The following CPVL variants were observed in gnomAD, a reference collection of about 807,000 sequenced individuals.
The protein encoded by CPVL is probable serine carboxypeptidase CPVL.
A neutral mutation model predicts 63.7 loss-of-function variants in CPVL; 51 were observed. The ratio of observed to expected loss-of-function variants is 0.80; its 90% CI spans 0.64 to 1.01. CPVL has a LOEUF of 1.01. CPVL is among the 50% of genes least tolerant of loss of function. The probability of loss-of-function intolerance (pLI) is 0.00; values close to 1 mark genes in which losing one functional copy is unlikely to be tolerated. For synonymous variants in CPVL, 195 were observed against 206.0 expected, an observed-to-expected ratio of 0.95 and a Z score of 0.46; for missense variants, 530 against 573.1, an observed-to-expected ratio of 0.92 and a Z score of 0.77.
chr7:29,154,870 C>G (rs957768727), intron 5 of CPVL, among the ~76,000 whole-genome samples: 3 of 152,088 alleles, frequency 2.0e-5, no homozygotes, highest in African/African-American at 4.8e-5. Flanking sequence ...AAGACATACT[C>G]GAGACTGGGC....
Position 29,096,116 on chromosome 7 carries a change from T to A in CPVL, c.390A>T (p.Thr130=). 2 of 1,613,536 alleles carry A rather than the reference T, an allele frequency of 1.2e-6. No homozygotes were observed. The highest frequency in any genetic ancestry group is 1.7e-6 in the Non-Finnish European group (2 of 1,179,446). ...AGGGATACTTACAGGTCATGTTACT[T>A]GTGACAACATAAGGCCCATGTTCCA... The part of the protein sequence containing the change: ...LFVEHGPYVV[T]SNMTLRDRDF... Residue 130 remains threonine, a synonymous_variant, in exon 4 of 13, where the codon ACA becomes ACT. Transcript: ENST00000265394.
At position 29,135,505 on chromosome 7, in the gene CPVL, T is replaced by G. The variant is rs571953643; in HGVS notation, c.-11+10924A>C. On this transcript the variant is annotated intron_variant, in intron 1 of 12. Transcript: ENST00000265394. ...CGCCACCATGCCTAACTAATTTTTT[T>G]GTATTTTTAGTAGAGACGGGGTTTC... Among the ~76,000 whole-genome samples, 11 of 152,070 alleles carry G rather than the reference T, an allele frequency of 7.2e-5. No individual in the cohort carries two copies. In the East Asian group the frequency reaches 2.1e-3, roughly 30 times the overall value.
At chr7:29,152,736 TA>T (rs1033742394) in intron 5 of CPVL, among the ~76,000 whole-genome samples, 1 of 152,220 alleles carries the variant, frequency 6.6e-6, no homozygotes, top group African/African-American at 2.4e-5. Flanking sequence ...TTGGAAGAGT[TA>T]ACGCCATTTT....
intron 11 of CPVL, among the ~76,000 whole-genome samples, chr7:29,056,215 T>A (rs1422933914): frequency 6.6e-6 from 1 of 152,168 alleles, no homozygotes; most frequent in Non-Finnish European, 1.5e-5. Context: ...AGTCCACAGT[T>A]CACATTAGAA....
chr7:29,169,891 T>TAC (rs1796387231), intron 5 of CPVL, among the ~76,000 whole-genome samples: 3 of 151,938 alleles, frequency 2.0e-5, no homozygotes, highest in African/African-American at 7.3e-5. Context: ...TATATATATA[T>TAC]GTATATACAG....
chr7:29,192,228 C>T (rs946769555), intron 1 of CPVL: 5 of 152,274 alleles, frequency 3.3e-5, no homozygotes, highest in East Asian at 1.9e-4. Context: ...ACATGAGTCT[C>T]AGCTTTTTTC....
rs945718915 is a variant in CPVL, at chr7:29,052,886, G to A, written c.1137+11175C>T. On this transcript the variant is annotated intron_variant, in intron 11 of 12. Coordinates refer to ENST00000265394, the MANE Select transcript of CPVL (RefSeq NM_031311.5). ...ATCATGCCACTGCACTGCAGCCTGG[G>A]CGACAGAGCAAGTCTCCATCTCAAA... 1.5e-4 allele frequency among the ~76,000 whole-genome samples: 23 copies of A among 152,108 alleles called. 1 individual carries two copies. The highest frequency in any genetic ancestry group is 3.3e-4 in the Admixed American group (5 of 15,266).
chr7:29,034,969 AT>A (rs543604413), intron 11 of CPVL, among the ~76,000 whole-genome samples: 26 of 148,650 alleles, frequency 1.7e-4, no homozygotes, highest in South Asian at 1.5e-3. Flanking sequence ...ACCAGCTCTC[AT>A]TTTTTTTTTC....
chr7:29,030,140 C>A (rs975803662), intron 12 of CPVL, among the ~76,000 whole-genome samples: 7 of 152,144 alleles, frequency 4.6e-5, no homozygotes, highest in African/African-American at 1.4e-4. Context: ...AACATCTGAC[C>A]CCGCAGTGGA....
intron 1 of CPVL, chr7:29,126,213 A>C (rs1790004890): frequency 6.6e-6 from 1 of 152,200 alleles, no homozygotes; most frequent in Admixed American, 6.5e-5. Flanking sequence ...GCTTCTGGGC[A>C]TCTTTTTCCA....
In CPVL at chr7:29,064,180, G is replaced by T. The variant is rs1476699809; in HGVS notation, c.1018C>A (p.Gln340Lys). ...GTCTGATTCCCCACGTGGATGGCTT[G>T]TCTCACCTCTGGGAGTGACAAAAAT... is the stretch of plus-strand genomic sequence containing the variant. ...VKFLSLPEVR[Q>K]AIHVGNQTFN... is the part of the protein sequence containing the mutation. The change falls in exon 11 of 13, where the codon CAA (glutamine) becomes AAA (lysine). Residue 340 changes from glutamine (Q) to lysine (K), a missense_variant. Gln to Lys is a moderately conservative substitution (Grantham distance 53). Coordinates refer to ENST00000265394, the MANE Select transcript of CPVL (RefSeq NM_031311.5). 6.2e-7 allele frequency: 1 copy of T among 1,613,208 alleles called. No individual in the cohort carries two copies. Among genetic ancestry groups the T allele is most frequent in the Non-Finnish European group, 8.5e-7 (1 of 1,179,320 alleles).
chr7:29,131,672 C>T (rs914205042), intron 1 of CPVL, among the ~76,000 whole-genome samples: 1 of 152,202 alleles, frequency 6.6e-6, no homozygotes, highest in Non-Finnish European at 1.5e-5. Flanking sequence ...GCCACCACAC[C>T]CAGCTAATTT....
chr7:29,101,469 C>T (rs1431014526), intron 3 of CPVL, among the ~76,000 whole-genome samples: 1 of 152,132 alleles, frequency 6.6e-6, no homozygotes, highest in Non-Finnish European at 1.5e-5. Flanking sequence ...GTGGCGGGCG[C>T]CTGTAGTCCC....
intron 5 of CPVL, among the ~76,000 whole-genome samples, chr7:29,176,780 G>A (rs1267797605): frequency 6.6e-6 from 1 of 152,130 alleles, no homozygotes; most frequent in East Asian, 1.9e-4. Context: ...ACGAGATTGA[G>A]CTGAAATACT....
chr7:29,092,779 G>A (rs529988046), intron 5 of CPVL, 77 bp from the exon 6 acceptor site: 25 of 1,026,080 alleles, frequency 2.4e-5, no homozygotes, highest in Admixed American at 1.3e-4. Context: ...GTCCCACACT[G>A]GAAGGTGACC....
rs1194178275 is a variant in CPVL, at chr7:29,086,465, A to C, written c.609+19T>G. On this transcript the variant is annotated intron_variant, in intron 7 of 12. Transcript: ENST00000265394. Reference sequence around the variant, plus strand: ...CTGGTGATGTTTGAAGCACACAAGGAAACGTGACTTCTACTTACCTCCCCA... The same window carrying C: ...CTGGTGATGTTTGAAGCACACAAGGCAACGTGACTTCTACTTACCTCCCCA... 1.3e-6 allele frequency: 2 copies of C among 1,578,612 alleles called. No individual in the cohort carries two copies. Among genetic ancestry groups the C allele is most frequent in the East Asian group, 2.2e-5 (1 of 44,630 alleles).
intron 2 of CPVL, 80 bp from the exon 3 acceptor site, chr7:29,112,902 A>G: frequency 1.0e-6 from 1 of 967,946 alleles, no homozygotes; most frequent in Non-Finnish European, 1.7e-6. Context: ...CTCAGTCTGG[A>G]TGAAATGGAG....
intron 11 of CPVL, among the ~76,000 whole-genome samples, chr7:29,047,000 T>A (rs1012443164): frequency 2.0e-5 from 3 of 152,234 alleles, no homozygotes; most frequent in African/African-American, 7.2e-5. Flanking sequence ...TATTTGCACT[T>A]ATAATTGAAT....
intron 7 of CPVL, among the ~76,000 whole-genome samples, chr7:29,078,054 T>C (rs1784387467): frequency 6.6e-6 from 1 of 152,146 alleles, no homozygotes; most frequent in Non-Finnish European, 1.5e-5. Context: ...TATAACTTCC[T>C]AGACATTTCC....
Sources: allele counts gnomAD v4.1 joint callset (sites outside exome capture counted in the v4.1 genomes callset), GRCh38; gene constraint gnomAD v4.1.1; transcripts MANE v1.5; gene names NCBI Gene and HGNC (gene_info 2026-07-23, HGNC 2026-07-21).